ZNF442: variants seen among roughly 807,000 people sequenced by gnomAD.
ZNF442 encodes zinc finger protein 442.
In ZNF442, 45 loss-of-function variants were observed where a neutral mutation model predicts 57.0. That is an observed-to-expected ratio of 0.79 (90% CI 0.62 to 1.01). The LOEUF (loss-of-function observed/expected upper bound fraction) is 1.01. Among genes scored for constraint, ZNF442 ranks in the 50% least tolerant of loss-of-function variants. The probability of loss-of-function intolerance (pLI) is 0.00; values close to 1 mark genes in which losing one functional copy is unlikely to be tolerated. For synonymous variants in ZNF442, 213 were observed against 241.8 expected (o/e 0.88, Z 1.10); for missense variants, 690 against 756.5 (o/e 0.91, Z 1.03).
chr19:12,357,115 C>T (rs1056321709), intron 3 of ZNF442, among the ~76,000 whole-genome samples: 10 of 152,144 alleles, frequency 6.6e-5, no homozygotes, highest in Admixed American at 2.0e-4. Flanking sequence ...AATCAAAAAC[C>T]TTTTCATCGT....
upstream of ZNF442, among the ~76,000 whole-genome samples, chr19:12,369,541 C>G (rs1307999831): frequency 2.0e-5 from 3 of 151,540 alleles, no homozygotes; most frequent in Non-Finnish European, 4.4e-5. Context: ...TCGCTTGAAC[C>G]CAGGAGGCAG....
intron 2 of ZNF442, among the ~76,000 whole-genome samples, chr19:12,363,875 A>G (rs1470548626): frequency 6.6e-6 from 1 of 152,220 alleles, no homozygotes; most frequent in Non-Finnish European, 1.5e-5. Flanking sequence ...AGCTGTGTGT[A>G]TCTTGGGTCA....
the ZNF442 span, among the ~76,000 whole-genome samples, chr19:12,372,236 T>C: frequency 5.6e-4 from 85 of 152,118 alleles, no homozygotes; most frequent in African/African-American, 2.0e-3. Context: ...GTGGGCGGAT[T>C]ACCTGAGGTC....
At chr19:12,359,431 C>A (rs186370453) in intron 3 of ZNF442, among the ~76,000 whole-genome samples, 4 of 152,280 alleles carry the variant, frequency 2.6e-5, no homozygotes, top group South Asian at 4.1e-4. Context: ...GCCCCTCCCC[C>A]CTTCTCTAAA....
chr19:12,363,096 T>C (rs1277763937), intron 3 of ZNF442, among the ~76,000 whole-genome samples: 1 of 147,466 alleles, frequency 6.8e-6, no homozygotes, highest in African/African-American at 2.5e-5. Context: ...AAGGCAGAGG[T>C]TGCAGTAAGC....
chr19:12,357,255 CTGGGAAG>C (rs1179049271), intron 3 of ZNF442, among the ~76,000 whole-genome samples: 1 of 151,748 alleles, frequency 6.6e-6, no homozygotes, highest in Non-Finnish European at 1.5e-5. Flanking sequence ...CAAGCTGCTC[CTGGGAAG>C]CAGTTCTCAT....
chr19:12,371,263 CTAAT>C, the ZNF442 span, among the ~76,000 whole-genome samples: 4 of 152,284 alleles, frequency 2.6e-5, no homozygotes, highest in East Asian at 1.9e-4. Context: ...CTGATTATAA[CTAAT>C]GAATGATATT....
At chr19:12,373,690 T>A in the ZNF442 span, 4 of 301,846 alleles carry the variant, frequency 1.3e-5, no homozygotes, top group Non-Finnish European at 2.7e-5. Flanking sequence ...CCAGTGTTTC[T>A]GTAAGTATGC....
At chr19:12,361,017 C>T (rs1279552409) in intron 3 of ZNF442, among the ~76,000 whole-genome samples, 6 of 152,130 alleles carry the variant, frequency 3.9e-5, no homozygotes, top group African/African-American at 1.4e-4. Flanking sequence ...CATGGAGAAA[C>T]CCCATCTCTA....
chr19:12,366,663 C>G (rs1300650914), upstream of ZNF442, among the ~76,000 whole-genome samples: 2 of 152,138 alleles, frequency 1.3e-5, no homozygotes, highest in Non-Finnish European at 2.9e-5. Context: ...CGGAGTCTCA[C>G]TCTGTCACCC....
chr19:12,373,130 G>A, the ZNF442 span, among the ~76,000 whole-genome samples: 2 of 152,172 alleles, frequency 1.3e-5, no homozygotes. Context: ...GTTATGATAA[G>A]GAATCGTCAA....
chr19:12,364,403 A>G (rs1195183700), intron 2 of ZNF442, among the ~76,000 whole-genome samples: 13 of 148,864 alleles, frequency 8.7e-5, no homozygotes, highest in Non-Finnish European at 1.3e-4. Context: ...GCACAACTCC[A>G]TCTCAAAAAA....
intron 3 of ZNF442, among the ~76,000 whole-genome samples, chr19:12,362,248 T>G (rs180780363): frequency 4.0e-5 from 6 of 149,318 alleles, no homozygotes; most frequent in African/African-American, 1.5e-4. Flanking sequence ...CACCTCTTCC[T>G]GGCCGTCATC....
Position 12,348,645 on chromosome 19 carries a change from AAC to A in ZNF442, c.*1054_*1055del, listed in dbSNP as rs2145831374. On this transcript the variant is annotated 3_prime_UTR_variant, in exon 6 of 6. Coordinates refer to ENST00000242804, the MANE Select transcript of ZNF442 (RefSeq NM_030824.3). The stretch of plus-strand genomic sequence containing the variant: ...TCTGCAATCAGAACCTGGTTCATCC[AAC>A]ACAGATGATCATCCTGACATCCTGT... 6.6e-6 allele frequency: 1 copy of A among 152,222 alleles called. No individual in the cohort carries two copies. Among genetic ancestry groups the A allele is most frequent in the South Asian group, 2.1e-4 (1 of 4,826 alleles). 9.4% of individuals were successfully genotyped at this position (152,222 alleles called of 1,614,324 possible).
chr19:12,357,223 T>C (rs1969344938), intron 3 of ZNF442, among the ~76,000 whole-genome samples: 1 of 151,756 alleles, frequency 6.6e-6, no homozygotes, highest in South Asian at 2.1e-4. Flanking sequence ...TTTAGTTCTA[T>C]TTTTTTTGCA....
upstream of ZNF442, among the ~76,000 whole-genome samples, chr19:12,366,116 G>C (rs1412677697): frequency 6.6e-6 from 1 of 152,140 alleles, no homozygotes; most frequent in East Asian, 1.9e-4. Context: ...TTTAGGATGA[G>C]ACTGCTGGCT....
chr19:12,351,980 A>G (rs376789413), intron 5 of ZNF442, 30 bp downstream of exon 5: 52 of 1,602,998 alleles, frequency 3.2e-5, no homozygotes, highest in African/African-American at 5.4e-5. Context: ...CTCCACAGAT[A>G]TATGTCTTTC....
chr19:12,347,534 A>G lies in ZNF442; in HGVS notation c.*2167T>C, dbSNP rs1160953350. On this transcript the variant is annotated 3_prime_UTR_variant, in exon 6 of 6. Coordinates refer to ENST00000242804, the MANE Select transcript of ZNF442 (RefSeq NM_030824.3). ...TTGAGGAACACATTGACAGGACAAG[A>G]GCACCGCCATCTTTATAACACTCCA... 2 of 152,240 alleles carry G rather than the reference A, an allele frequency of 1.3e-5. No individual in the cohort carries two copies. Among genetic ancestry groups the G allele is most frequent in the Admixed American group, 1.3e-4 (2 of 15,280 alleles). The allele number at this position is 152,240 out of a possible 1,614,324, so 9.4% of individuals were successfully genotyped here.
In ZNF442 at chr19:12,350,896, G is replaced by A. The variant is rs1969221593; in HGVS notation, c.689C>T (p.Thr230Ile). ...TTCATACGGTTTCTCTCCAGTGTGA[G>A]TTCTTTCATGCATACGAAATAAACT... The part of the protein sequence containing the change: ...WPSLFRMHER[T>I]HTGEKPYECK... Residue 230 changes from threonine (T) to isoleucine (I), a missense_variant, in exon 6 of 6, where the codon ACT (threonine) becomes ATT (isoleucine). Coordinates refer to ENST00000242804, the MANE Select transcript of ZNF442 (RefSeq NM_030824.3). The A allele has an allele frequency of 1.2e-6, 2 of 1,614,148 alleles. No homozygotes were observed. Among genetic ancestry groups the A allele is most frequent in the East Asian group, 2.2e-5 (1 of 44,876 alleles).
Sources: allele counts gnomAD v4.1 joint callset (sites outside exome capture counted in the v4.1 genomes callset), GRCh38; gene constraint gnomAD v4.1.1; transcripts MANE v1.5; gene names NCBI Gene and HGNC (gene_info 2026-07-23, HGNC 2026-07-21).